TRERF1: variants seen among roughly 807,000 people sequenced by gnomAD.
TRERF1 encodes the protein transcriptional-regulating factor 1.
A neutral mutation model predicts 122.9 loss-of-function variants in TRERF1; 27 were observed. The ratio of observed to expected loss-of-function variants is 0.22; its 90% CI spans 0.16 to 0.30. The LOEUF (loss-of-function observed/expected upper bound fraction) is 0.30. TRERF1 is among the 10% of genes least tolerant of loss of function. The pLI is 1.00. For missense variants in TRERF1, 1,248 were observed against 1,560.3 expected (o/e 0.80, Z 3.37); for synonymous variants, 636 against 641.7 (o/e 0.99, Z 0.13).
intron 3 of TRERF1, among the ~76,000 whole-genome samples, chr6:42,362,299 C>T (rs1159322341): frequency 1.3e-5 from 2 of 152,214 alleles, no homozygotes; most frequent in Non-Finnish European, 2.9e-5. Flanking sequence ...GAAAGCGTGG[C>T]ACATGCCAAG....
At chr6:42,392,478 AC>A (rs1246417599) in intron 2 of TRERF1, among the ~76,000 whole-genome samples, 8 of 152,160 alleles carry the variant, frequency 5.3e-5, no homozygotes, top group Admixed American at 1.3e-4. Flanking sequence ...ACTGATGGAA[AC>A]AGAGAGAAAT....
At chr6:42,371,179 G>C (rs563661836) in intron 2 of TRERF1, among the ~76,000 whole-genome samples, 1 of 152,308 alleles carries the variant, frequency 6.6e-6, no homozygotes, top group East Asian at 1.9e-4. Flanking sequence ...GGAGGTCAGA[G>C]GGTAGGTGAT....
At chr6:42,337,934 C>CCAGCAACAG (rs1033401326) in intron 3 of TRERF1, among the ~76,000 whole-genome samples, 2 of 152,130 alleles carry the variant, frequency 1.3e-5, no homozygotes, top group African/African-American at 4.8e-5. Context: ...GCTACCTGGA[C>CCAGCAACAG]CAGCAACAGC....
At position 42,232,654 on chromosome 6, in the gene TRERF1, A is replaced by C. The variant is rs1473374390; in HGVS notation, c.3278+27T>G. 1.9e-6 allele frequency: 3 copies of C among 1,555,410 alleles called. No homozygotes were observed. Among genetic ancestry groups the C allele is most frequent in the African/African-American group, 2.7e-5 (2 of 74,004 alleles). On this transcript the variant is annotated intron_variant, in intron 17 of 17. Transcript: ENST00000372922. This position sits in a 1 kb window ranked among gnomAD's most constrained non-coding sequence, Gnocchi z 4.5. Reference sequence around the variant, plus strand: ...GAGCGACTACCCATCATGAACTCAGATTCAGTCCCCGGTCCCCTGCACCTA... The same window carrying C: ...GAGCGACTACCCATCATGAACTCAGCTTCAGTCCCCGGTCCCCTGCACCTA...
chr6:42,261,773 CCAA>C (rs979008180), intron 8 of TRERF1, among the ~76,000 whole-genome samples: 2 of 152,182 alleles, frequency 1.3e-5, no homozygotes, highest in African/African-American at 4.8e-5. Flanking sequence ...ACCGCCCCCA[CCAA>C]CGAGGTCTCT....
At chr6:42,329,571 C>G (rs1250307055) in intron 3 of TRERF1, among the ~76,000 whole-genome samples, 1 of 152,158 alleles carries the variant, frequency 6.6e-6, no homozygotes, top group Non-Finnish European at 1.5e-5. Flanking sequence ...AACTCAGTCA[C>G]AGATGCATTT....
At chr6:42,340,835 T>A (rs553607617) in intron 3 of TRERF1, among the ~76,000 whole-genome samples, 2 of 152,360 alleles carry the variant, frequency 1.3e-5, no homozygotes, top group East Asian at 3.9e-4. Flanking sequence ...AAATGATCAA[T>A]TTCTTTCTAG....
At chr6:42,299,116 C>CTGTCTG (rs10627056) in intron 4 of TRERF1, among the ~76,000 whole-genome samples, 1 of 141,768 alleles carries the variant, frequency 7.1e-6, no homozygotes, top group African/African-American at 2.7e-5. Context: ...GTCTGTCTGT[C>CTGTCTG]TCTATCTATC....
chr6:42,322,967 G>C (rs1763689126), intron 3 of TRERF1, among the ~76,000 whole-genome samples: 1 of 151,974 alleles, frequency 6.6e-6, no homozygotes, highest in Non-Finnish European at 1.5e-5. Context: ...CAGCAGGGCA[G>C]AGAATGGCAC....
chr6:42,408,323 A>ATGTATATATACATACTCATGTGTGTG (rs1780591275), intron 2 of TRERF1, among the ~76,000 whole-genome samples: 4 of 120,296 alleles, frequency 3.3e-5, no homozygotes, highest in Non-Finnish European at 5.0e-5. Context: ...ATGTGTGTGT[A>ATGTATATATACATACTCATGTGTGTG]TATATATATA....
chr6:42,402,581 A>T (rs985497492), intron 2 of TRERF1, among the ~76,000 whole-genome samples: 1 of 152,140 alleles, frequency 6.6e-6, no homozygotes, highest in African/African-American at 2.4e-5. Context: ...ACTTCTTATA[A>T]GTCATTTCTT....
intron 4 of TRERF1, among the ~76,000 whole-genome samples, chr6:42,279,252 G>T (rs1420562164): frequency 6.9e-6 from 1 of 143,968 alleles, no homozygotes; most frequent in Admixed American, 6.7e-5. Context: ...CCTGGCTGGA[G>T]GGGGTCTGGG....
chr6:42,299,853 A>G (rs1785836337), intron 4 of TRERF1, among the ~76,000 whole-genome samples: 1 of 152,212 alleles, frequency 6.6e-6, no homozygotes. Context: ...AGTGCCTGTC[A>G]CAAAGGAGGC....
At chr6:42,318,793 C>T (rs758330036) in intron 3 of TRERF1, among the ~76,000 whole-genome samples, 16 of 152,274 alleles carry the variant, frequency 1.1e-4, no homozygotes, top group Non-Finnish European at 2.2e-4. Flanking sequence ...TATGTAGTAC[C>T]TGGTCCTTGA....
chr6:42,346,083 T>C (rs764437437), intron 3 of TRERF1, among the ~76,000 whole-genome samples: 6 of 152,212 alleles, frequency 3.9e-5, no homozygotes, highest in Non-Finnish European at 5.9e-5. Flanking sequence ...ATATGTGTAA[T>C]GAGAGTTCTA....
At chr6:42,382,846 A>C (rs1415573343) in intron 2 of TRERF1, among the ~76,000 whole-genome samples, 1 of 149,306 alleles carries the variant, frequency 6.7e-6, no homozygotes, top group East Asian at 2.1e-4. Flanking sequence ...ACTACATGCC[A>C]GTAGGATTCT....
At chr6:42,325,423 A>G (rs1448639736) in intron 3 of TRERF1, among the ~76,000 whole-genome samples, 1 of 152,214 alleles carries the variant, frequency 6.6e-6, no homozygotes, top group Non-Finnish European at 1.5e-5. Flanking sequence ...CCAAAAGAAA[A>G]TAAATCATTC....
intron 4 of TRERF1, among the ~76,000 whole-genome samples, chr6:42,289,154 T>C (rs953135301): frequency 1.8e-4 from 27 of 151,854 alleles, no homozygotes; most frequent in African/African-American, 6.5e-4. Context: ...TGAAACCCCA[T>C]CTCTACTAAA....
chr6:42,359,423 A>C (rs1184427464), intron 3 of TRERF1, among the ~76,000 whole-genome samples: 1 of 152,154 alleles, frequency 6.6e-6, no homozygotes, highest in Non-Finnish European at 1.5e-5. Context: ...GAGCCTCCAG[A>C]CTGAGAATAA....
Sources: gnomAD v4.1 joint callset for allele counts (sites outside exome capture counted in the v4.1 genomes callset) on GRCh38, gnomAD v4.1.1 for gene constraint, Gnocchi (gnomAD v3.1) non-coding constraint, MANE v1.5 for transcripts, NCBI Gene and HGNC (gene_info 2026-07-23, HGNC 2026-07-21) for gene names.